Variants in GPBP1 observed in about 807,000 individuals in gnomAD.
GPBP1 encodes GC-rich promoter binding protein 1, also known as vasculin.
GPBP1 carries 13 observed loss-of-function variants against 56.5 expected under a neutral mutation model. The ratio of observed to expected loss-of-function variants is 0.23; its 90% CI spans 0.15 to 0.37. The LOEUF (loss-of-function observed/expected upper bound fraction) is 0.37, where lower values mean the gene tolerates loss of function less well. Ranked by LOEUF, GPBP1 falls within the 10% of genes least tolerant of loss-of-function variation. The pLI is 1.00. For missense variants in GPBP1, 477 were observed against 572.3 expected (o/e 0.83, Z 1.70); for synonymous variants, 204 against 188.9 (o/e 1.08, Z -0.66).
Position 57,179,445 on chromosome 5 carries a change from T to G in GPBP1, c.-58+3045T>G, listed in dbSNP as rs558484174. Among the ~76,000 whole-genome samples the G allele has an allele frequency of 1.4e-4, 22 of 152,232 alleles. No individual in the cohort carries two copies. The East Asian group carries it at 3.9e-3, about 27-fold the overall frequency. ...CTCAGGCAACCTCGAACTCCTGGGG[T>G]TAAGGGTTCCTCCTGCCTTGGCCTC... On this transcript the variant is annotated intron_variant, in intron 2 of 11. Transcript: ENST00000506184.
chr5:57,246,619 A>AC (rs1741103012), intron 7 of GPBP1, 135 bp downstream of exon 7: 1 of 611,522 alleles, frequency 1.6e-6, no homozygotes, highest in Non-Finnish European at 2.8e-6. Context: ...GCAAGAGTTG[A>AC]CCCATATGTG....
At chr5:57,236,681 T>C (rs1475856559) in intron 6 of GPBP1, among the ~76,000 whole-genome samples, 1 of 152,144 alleles carries the variant, frequency 6.6e-6, no homozygotes, top group African/African-American at 2.4e-5. Context: ...TATAGTACAA[T>C]TTAGACAGCT....
intron 6 of GPBP1, among the ~76,000 whole-genome samples, chr5:57,242,225 A>AT (rs1366175640): frequency 6.6e-6 from 1 of 152,200 alleles, no homozygotes; most frequent in Non-Finnish European, 1.5e-5. Flanking sequence ...GCAACCTGAA[A>AT]TTCTTGCAAA....
At chr5:57,215,456 G>C (rs1439835364) in intron 3 of GPBP1, among the ~76,000 whole-genome samples, 2 of 152,156 alleles carry the variant, frequency 1.3e-5, no homozygotes, top group African/African-American at 2.4e-5. Context: ...ATTCCCAGCT[G>C]ATTGCTCTAT....
intron 6 of GPBP1, among the ~76,000 whole-genome samples, chr5:57,240,815 A>C (rs1740790280): frequency 6.6e-6 from 1 of 152,114 alleles, no homozygotes; most frequent in South Asian, 2.1e-4. Context: ...TCACTACTAA[A>C]AATACAAATT....
At chr5:57,216,558 A>G (rs1202813134) in intron 3 of GPBP1, among the ~76,000 whole-genome samples, 1 of 152,134 alleles carries the variant, frequency 6.6e-6, no homozygotes, top group Non-Finnish European at 1.5e-5. Context: ...CCCCGTCTCT[A>G]CTAAAAATAC....
chr5:57,191,527 G>A (rs1476147935), intron 2 of GPBP1, among the ~76,000 whole-genome samples: 1 of 150,624 alleles, frequency 6.6e-6, no homozygotes, highest in East Asian at 1.9e-4. Flanking sequence ...TTGCTCTCAG[G>A]TTCAAAGAAA....
At chr5:57,188,670 C>A (rs1579980241) in intron 2 of GPBP1, among the ~76,000 whole-genome samples, 6 of 152,090 alleles carry the variant, frequency 3.9e-5, no homozygotes, top group African/African-American at 1.4e-4. Flanking sequence ...TTAAACACGT[C>A]AGGCAGAGGT....
chr5:57,231,825 C>G (rs897144800), intron 5 of GPBP1, among the ~76,000 whole-genome samples: 1 of 152,072 alleles, frequency 6.6e-6, no homozygotes, highest in Non-Finnish European at 1.5e-5. Context: ...AAAGCCCTTA[C>G]TCTTACCAAG....
intron 10 of GPBP1, among the ~76,000 whole-genome samples, chr5:57,256,129 TC>T (rs1324932497): frequency 8.6e-5 from 13 of 152,028 alleles, no homozygotes; most frequent in African/African-American, 2.9e-4. Flanking sequence ...GGTGGCGTGT[TC>T]CTGTATTCTC....
At chr5:57,228,032 C>T (rs1756272048) in intron 3 of GPBP1, among the ~76,000 whole-genome samples, 1 of 152,062 alleles carries the variant, frequency 6.6e-6, no homozygotes, top group Non-Finnish European at 1.5e-5. Context: ...AAGACTAATA[C>T]AAGATAGAAT....
chr5:57,217,663 G>A (rs1282750274), intron 3 of GPBP1, among the ~76,000 whole-genome samples: 1 of 152,074 alleles, frequency 6.6e-6, no homozygotes, highest in African/African-American at 2.4e-5. Context: ...TAAATAATGA[G>A]ACAATGCGAA....
rs543005934 is a variant in GPBP1 at position 57,229,230 on chromosome 5, CAAAAAAAAAAAAAAAAA to C, written c.64-1595_64-1579del. Among the ~76,000 whole-genome samples, 360 of 77,390 alleles carry C rather than the reference CAAAAAAAAAAAAAAAAA, an allele frequency of 4.7e-3. 5 individuals are homozygous for C. The highest frequency in any genetic ancestry group is 7.8e-3 in the Non-Finnish European group (277 of 35,486). The allele number at this position is 77,390 out of a possible 152,430, so 50.8% of individuals were successfully genotyped here. A position where few individuals can be genotyped will look rare whatever the true frequency, so the allele number is the denominator to read the frequency against. On this transcript the variant is annotated intron_variant, in intron 3 of 11. Transcript: ENST00000506184. ...TGGGCGACAGAACAAGACTCCATCT[CAAAAAAAAAAAAAAAAA>C]AAAAAAAAAAAAAAAAAAAAGGAGT...
chr5:57,246,471 C>A lies in GPBP1; in HGVS notation c.650C>A (p.Ala217Asp). The change falls in exon 7 of 12, where the codon GCT (alanine) becomes GAT (aspartate). Residue 217 changes from alanine to aspartate, a missense_variant. Ala to Asp is a moderately radical substitution (Grantham distance 126). This residue lies in a region of GPBP1 where 414 missense variants were observed against 458.2 expected (regional missense o/e 0.90). Coordinates refer to ENST00000506184, the MANE Select transcript of GPBP1 (RefSeq NM_022913.4). ...VYKGLVPKPA[A>D]PPTKPTQWKS... ...AAAGGTTTAGTCCCTAAACCTGCTG[C>A]TCCACCTACAAAAGTAAGTTCTAAA... The A allele has an allele frequency of 6.3e-7, 1 of 1,595,474 alleles. No homozygotes were observed. The highest frequency in any genetic ancestry group is 8.5e-7 in the Non-Finnish European group (1 of 1,172,462).
chr5:57,252,644 C>T (rs1266648143), intron 10 of GPBP1, among the ~76,000 whole-genome samples: 7 of 152,106 alleles, frequency 4.6e-5, no homozygotes, highest in East Asian at 3.9e-4. Flanking sequence ...CCTCCCGTCT[C>T]GCCCTCCCAA....
At chr5:57,184,424 G>A (rs776710574) in intron 2 of GPBP1, among the ~76,000 whole-genome samples, 2 of 152,012 alleles carry the variant, frequency 1.3e-5, no homozygotes, top group Non-Finnish European at 2.9e-5. Context: ...GCCTCAGGGA[G>A]CTTACAATAA....
At chr5:57,196,246 C>G (rs1258971337) in intron 2 of GPBP1, among the ~76,000 whole-genome samples, 1 of 152,088 alleles carries the variant, frequency 6.6e-6, no homozygotes, top group East Asian at 1.9e-4. Flanking sequence ...AAGTGATCCT[C>G]CTGTCTTAAC....
At chr5:57,215,298 A>G (rs891154004) in intron 3 of GPBP1, among the ~76,000 whole-genome samples, 1 of 152,228 alleles carries the variant, frequency 6.6e-6, no homozygotes, top group African/African-American at 2.4e-5. Context: ...TATGAGGGAA[A>G]GTAAAATGAT....
Position 57,175,859 on chromosome 5 carries a change from A to T in GPBP1, c.-599A>T. On this transcript the variant is annotated 5_prime_UTR_variant, in exon 2 of 12. Coordinates refer to ENST00000506184, the MANE Select transcript of GPBP1 (RefSeq NM_022913.4). ...GGCAGTTTATTTTTACCTTTATTGA[A>T]AGTTTTAGGAATTTTTGACTTCAGC... 2.5e-6 allele frequency: 1 copy of T among 397,540 alleles called. No individual in the cohort carries two copies. 24.6% of individuals were successfully genotyped at this position (397,540 alleles called of 1,614,324 possible).
Sources: allele counts gnomAD v4.1 joint callset (sites outside exome capture counted in the v4.1 genomes callset), GRCh38; gene constraint gnomAD v4.1.1; regional missense constraint gnomAD v4.1.1; transcripts MANE v1.5; gene names NCBI Gene and HGNC (gene_info 2026-07-23, HGNC 2026-07-21).